The following RBM47 variants were observed in gnomAD, a reference collection of about 807,000 sequenced individuals.
The protein encoded by RBM47 is RNA-binding protein 47.
A neutral mutation model predicts 47.1 loss-of-function variants in RBM47; 21 were observed. The observed-to-expected ratio is 0.45, with a 90% CI of 0.32 to 0.64. RBM47 has a LOEUF of 0.64. Among genes scored for constraint, RBM47 ranks in the 30% least tolerant of loss-of-function variants. The probability of loss-of-function intolerance (pLI) is 0.05; values close to 1 mark genes in which losing one functional copy is unlikely to be tolerated. For missense variants in RBM47, 708 were observed against 870.9 expected (o/e 0.81, Z 2.35); for synonymous variants, 375 against 361.7 (o/e 1.04, Z -0.42).
At chr4:40,574,257 G>A (rs1036434516) in intron 1 of RBM47, among the ~76,000 whole-genome samples, 6 of 152,090 alleles carry the variant, frequency 3.9e-5, no homozygotes, top group Non-Finnish European at 7.3e-5. Flanking sequence ...AAATAGACTG[G>A]GTAAAACTAG....
chr4:40,454,977 C>T lies in RBM47; in HGVS notation c.-32+11600G>A, dbSNP rs557762496. Among the ~76,000 whole-genome samples, 24 of 152,290 alleles carry T rather than the reference C, an allele frequency of 1.6e-4. 1 individual carries two copies. The South Asian group carries it at 4.4e-3, about 28-fold the overall frequency. On this transcript the variant is annotated intron_variant, in intron 3 of 6. Transcript: ENST00000295971. ...AGCCAGTGTTAACAGGATAAGACCACGATTGGTGAGAAATGGACATTGGCT... is the reference window on the plus strand; with the variant it reads ...AGCCAGTGTTAACAGGATAAGACCATGATTGGTGAGAAATGGACATTGGCT...
At chr4:40,454,601 G>C (rs894752231) in intron 3 of RBM47, among the ~76,000 whole-genome samples, 5 of 152,118 alleles carry the variant, frequency 3.3e-5, no homozygotes, top group Non-Finnish European at 1.5e-5. Flanking sequence ...GGGTTCAAGC[G>C]AATCCTGCCT....
chr4:40,539,205 T>C (rs1199970101), intron 2 of RBM47, among the ~76,000 whole-genome samples: 1 of 152,090 alleles, frequency 6.6e-6, no homozygotes, highest in Admixed American at 6.6e-5. Flanking sequence ...AGCAGAAAAC[T>C]CGTTTTTAGA....
chr4:40,591,798 C>T (rs1734163368), intron 1 of RBM47, among the ~76,000 whole-genome samples: 1 of 152,170 alleles, frequency 6.6e-6, no homozygotes, highest in South Asian at 2.1e-4. Flanking sequence ...AGAGCGTCAA[C>T]ACTGGAGTGG....
intron 1 of RBM47, among the ~76,000 whole-genome samples, chr4:40,592,644 G>A (rs1036812916): frequency 7.4e-5 from 11 of 149,368 alleles, no homozygotes; most frequent in Non-Finnish European, 1.0e-4. Flanking sequence ...GGCTGGTCTC[G>A]AACTCCCAAC....
At chr4:40,472,772 T>A (rs992155082) in intron 2 of RBM47, among the ~76,000 whole-genome samples, 1 of 152,024 alleles carries the variant, frequency 6.6e-6, no homozygotes, top group Non-Finnish European at 1.5e-5. Context: ...ATTTTTTTTT[T>A]AAACTCAAAT....
chr4:40,630,835 T>C (rs1738152585), upstream of RBM47: 2 of 152,252 alleles, frequency 1.3e-5, no homozygotes, highest in Non-Finnish European at 2.9e-5. Flanking sequence ...TAAGCCTGTT[T>C]GTAGGCGCGG....
chr4:40,453,725 A>G (rs1421194554), intron 3 of RBM47, among the ~76,000 whole-genome samples: 1 of 152,202 alleles, frequency 6.6e-6, no homozygotes, highest in Non-Finnish European at 1.5e-5. Context: ...TTTCACTTAC[A>G]TGCTAAGAAC....
At chr4:40,584,598 G>A (rs1733352262) in intron 1 of RBM47, among the ~76,000 whole-genome samples, 1 of 152,064 alleles carries the variant, frequency 6.6e-6, no homozygotes. Context: ...CATTTTGGAT[G>A]CTAGATTTCA....
chr4:40,438,779 T>C lies in RBM47; in HGVS notation c.115A>G (p.Met39Val). The C allele has an allele frequency of 6.4e-7, 1 of 1,563,308 alleles. No homozygotes were observed. Among genetic ancestry groups the C allele is most frequent in the Non-Finnish European group, 8.6e-7 (1 of 1,159,434 alleles). Residue 39 changes from methionine (M) to valine (V), a missense_variant, in exon 4 of 7, where the codon ATG becomes GTG. Physicochemically the swap from Met to Val is conservative, Grantham distance 21 (BLOSUM62 1). Transcript: ENST00000295971. ...ACCATGCTGTAGCCCGTGCGCTCCA[T>C]CAGCGCCAGCAGTGCTGCCTCGTTG... ...APNEAALLAL[M>V]ERTGYSMVQE...
At chr4:40,458,754 GTT>G (rs150912350) in intron 3 of RBM47, among the ~76,000 whole-genome samples, 11 of 150,676 alleles carry the variant, frequency 7.3e-5, no homozygotes, top group Non-Finnish European at 5.9e-5. Context: ...GGTGATAATT[GTT>G]TTTTTTTCCC....
chr4:40,619,410 G>C (rs570831802), intron 1 of RBM47, among the ~76,000 whole-genome samples: 15 of 152,022 alleles, frequency 9.9e-5, no homozygotes, highest in Non-Finnish European at 1.6e-4. Context: ...CCTGGGTCAG[G>C]GTTGTCTTTT....
chr4:40,479,930 G>T (rs75107497), intron 2 of RBM47, among the ~76,000 whole-genome samples: 4,758 of 150,956 alleles, frequency 0.032, 241 homozygotes, highest in African/African-American at 0.1. Context: ...TATTAACACA[G>T]GCAACCCCCA....
chr4:40,503,554 C>T (rs953850153), intron 2 of RBM47, among the ~76,000 whole-genome samples: 5 of 152,084 alleles, frequency 3.3e-5, no homozygotes, highest in African/African-American at 1.2e-4. Context: ...TGTGGTTACC[C>T]CTCACTGCTG....
rs370608125 is a variant in RBM47, at chr4:40,428,957, G to A, written c.1543-2814C>T. 5.0e-4 allele frequency among the ~76,000 whole-genome samples: 76 copies of A among 152,142 alleles called. 1 individual carries two copies. Among genetic ancestry groups the A allele is most frequent in the African/African-American group, 1.6e-3 (67 of 41,508 alleles). ...GCTTTCCATGGTTTCAGTTACCCGC[G>A]GTCAACTGAAGTCTGAAAATATTAA... On this transcript the variant is annotated intron_variant, in intron 6 of 6. Coordinates refer to ENST00000295971, the MANE Select transcript of RBM47 (RefSeq NM_001098634.2).
At chr4:40,614,665 T>C (rs1736557914) in intron 1 of RBM47, among the ~76,000 whole-genome samples, 1 of 147,920 alleles carries the variant, frequency 6.8e-6, no homozygotes, top group Non-Finnish European at 1.5e-5. Flanking sequence ...GAGACCCCCA[T>C]CTCTACAAAA....
Position 40,429,658 on chromosome 4 carries a change from C to A in RBM47, c.1542+2993G>T, listed in dbSNP as rs576597133. ...GAGCTGAGATCCCGCCACTGCACTC[C>A]AGCTTGGGTGACAAAGTGAGACTCC... On this transcript the variant is annotated intron_variant, in intron 6 of 6. Transcript: ENST00000295971. 2.2e-4 allele frequency among the ~76,000 whole-genome samples: 27 copies of A among 122,600 alleles called. No homozygotes were observed. In the East Asian group the frequency reaches 5.8e-3, roughly 27 times the overall value. The allele number at this position is 122,600 out of a possible 152,430, so 80.4% of individuals were successfully genotyped here. A position where few individuals can be genotyped will look rare whatever the true frequency, so the allele number is the denominator to read the frequency against.
intron 1 of RBM47, among the ~76,000 whole-genome samples, chr4:40,555,900 T>C (rs1049008181): frequency 6.6e-6 from 1 of 152,192 alleles, no homozygotes; most frequent in Non-Finnish European, 1.5e-5. Flanking sequence ...AACAGCTGAC[T>C]TCCCAGAAGT....
At chr4:40,543,826 CT>C (rs1178219480) in intron 2 of RBM47, 2 of 151,386 alleles carry the variant, frequency 1.3e-5, no homozygotes, top group African/African-American at 4.9e-5. Flanking sequence ...AACCTAAATT[CT>C]TTCTTTGGTA....
Sources: allele counts gnomAD v4.1 joint callset (sites outside exome capture counted in the v4.1 genomes callset), GRCh38; gene constraint gnomAD v4.1.1; transcripts MANE v1.5; gene names NCBI Gene and HGNC (gene_info 2026-07-23, HGNC 2026-07-21).